Variants in PSD3 observed in about 807,000 individuals in gnomAD.
The protein encoded by PSD3 is pleckstrin and Sec7 domain containing 3.
In PSD3, 49 loss-of-function variants were observed where a neutral mutation model predicts 105.5. The ratio of observed to expected loss-of-function variants is 0.46; its 90% CI spans 0.37 to 0.59. The LOEUF (loss-of-function observed/expected upper bound fraction) is 0.59. Among genes scored for constraint, PSD3 ranks in the 20% least tolerant of loss-of-function variants. PSD3 has a pLI of 0.00. For missense variants in PSD3, 1,561 were observed against 1,263.8 expected, an observed-to-expected ratio of 1.24 and a Z score of -3.57; for synonymous variants, 557 against 457.8, an observed-to-expected ratio of 1.22 and a Z score of -2.77.
chr8:18,615,130 A>T (rs531549814), intron 11 of PSD3, among the ~76,000 whole-genome samples: 1 of 152,156 alleles, frequency 6.6e-6, no homozygotes, highest in South Asian at 2.1e-4. Flanking sequence ...ACTTCCTCGT[A>T]AAGCAACCTT....
At chr8:18,541,168 A>G (rs1275598207) in intron 15 of PSD3, among the ~76,000 whole-genome samples, 2 of 151,676 alleles carry the variant, frequency 1.3e-5, no homozygotes, top group African/African-American at 4.9e-5. Flanking sequence ...AAAAAAAAAA[A>G]AAAACCTTTT....
chr8:18,572,662 C>T lies in PSD3; in HGVS notation c.2650G>A (p.Glu884Lys). 1 of 1,613,816 alleles carries T rather than the reference C, an allele frequency of 6.2e-7. No homozygotes were observed. Among genetic ancestry groups the T allele is most frequent in the Non-Finnish European group, 8.5e-7 (1 of 1,179,806 alleles). Residue 884 changes from glutamate (E) to lysine (K), a missense_variant, in exon 14 of 16, where the codon GAA becomes AAA. Transcript: ENST00000327040. ...VLLFQTQSPE[E>K]MQGWINKINC... is the part of the protein sequence containing the mutation. The stretch of plus-strand genomic sequence containing the variant: ...ATTTTGTTTATCCACCCTTGCATTT[C>T]CTCTGGGCTCCTATGAGAAATAGAT...
chr8:18,786,048 C>A (rs967056240), intron 8 of PSD3, among the ~76,000 whole-genome samples: 7 of 152,078 alleles, frequency 4.6e-5, no homozygotes, highest in African/African-American at 1.7e-4. Context: ...ATGAGATACG[C>A]CTATACTTAA....
At chr8:19,007,608 C>T (rs2129475049) in intron 1 of PSD3, among the ~76,000 whole-genome samples, 1 of 152,088 alleles carries the variant, frequency 6.6e-6, no homozygotes, top group South Asian at 2.1e-4. Context: ...TCAGTATTTG[C>T]TGATTGTGAA....
At chr8:18,848,909 T>G (rs573759788) in intron 4 of PSD3, among the ~76,000 whole-genome samples, 34 of 152,332 alleles carry the variant, frequency 2.2e-4, no homozygotes, top group Admixed American at 2.1e-3. Context: ...TTTAAGCTTT[T>G]AAGAAATGCT....
intron 1 of PSD3, chr8:19,084,129 A>C: frequency 2.7e-6 from 1 of 376,504 alleles, no homozygotes; most frequent in South Asian, 2.0e-5. Flanking sequence ...CCAACGCCAG[A>C]AATTGGAGGC....
chr8:18,766,193 G>T (rs955422905), intron 8 of PSD3, among the ~76,000 whole-genome samples: 3 of 151,830 alleles, frequency 2.0e-5, no homozygotes, highest in African/African-American at 7.3e-5. Context: ...ATTTAGCCAG[G>T]CGTGGTGGCA....
intron 4 of PSD3, among the ~76,000 whole-genome samples, chr8:18,810,534 T>A (rs567940993): frequency 4.8e-4 from 73 of 152,342 alleles, no homozygotes; most frequent in African/African-American, 1.7e-3. Flanking sequence ...ATACTTTGAA[T>A]TTAAATTTAA....
chr8:19,053,794 T>C (rs1828611098), intron 1 of PSD3, among the ~76,000 whole-genome samples: 1 of 152,134 alleles, frequency 6.6e-6, no homozygotes, highest in Non-Finnish European at 1.5e-5. Flanking sequence ...GGGAAGGATT[T>C]TTTTCTGTTT....
intron 9 of PSD3, among the ~76,000 whole-genome samples, chr8:18,752,216 C>T (rs1188216403): frequency 1.3e-5 from 2 of 151,218 alleles, no homozygotes; most frequent in Admixed American, 6.6e-5. Flanking sequence ...CACACATTAA[C>T]AATTCTACAT....
intron 8 of PSD3, among the ~76,000 whole-genome samples, chr8:18,766,967 T>C (rs1295908810): frequency 2.0e-5 from 3 of 152,198 alleles, no homozygotes; most frequent in Non-Finnish European, 4.4e-5. Flanking sequence ...CAGGGAGATA[T>C]GCAAACCTGA....
intron 4 of PSD3, among the ~76,000 whole-genome samples, chr8:18,834,217 G>T (rs757634452): frequency 2.0e-5 from 3 of 152,068 alleles, no homozygotes; most frequent in Non-Finnish European, 2.9e-5. Context: ...CATAAAGAAG[G>T]TATTTCTAAC....
chr8:18,880,270 A>G (rs1053626774), intron 2 of PSD3, among the ~76,000 whole-genome samples: 7 of 152,228 alleles, frequency 4.6e-5, no homozygotes, highest in African/African-American at 1.7e-4. Context: ...GGCCTTAGAT[A>G]CTTCCTATTA....
chr8:18,929,695 G>GA (rs2129468379), intron 2 of PSD3, among the ~76,000 whole-genome samples: 1 of 152,112 alleles, frequency 6.6e-6, no homozygotes, highest in African/African-American at 2.4e-5. Flanking sequence ...GCATATGAAT[G>GA]AAAAAAACAA....
At chr8:18,825,985 G>C (rs1001493882) in intron 4 of PSD3, among the ~76,000 whole-genome samples, 1 of 152,214 alleles carries the variant, frequency 6.6e-6, no homozygotes, top group Non-Finnish European at 1.5e-5. Flanking sequence ...TTCTAGAAGA[G>C]ATGAGCGTTT....
At chr8:18,569,463 G>A (rs1252839801) in intron 14 of PSD3, among the ~76,000 whole-genome samples, 1 of 150,036 alleles carries the variant, frequency 6.7e-6, no homozygotes, top group African/African-American at 2.5e-5. Context: ...ACCAACAACA[G>A]ACAAACAGAG....
At chr8:19,068,332 C>T (rs1251763438) in intron 1 of PSD3, among the ~76,000 whole-genome samples, 2 of 151,612 alleles carry the variant, frequency 1.3e-5, no homozygotes, top group Admixed American at 6.6e-5. Flanking sequence ...CTCTGTTGCC[C>T]AGGCTGGAGT....
At chr8:19,020,954 GT>G (rs1827343363) in intron 1 of PSD3, among the ~76,000 whole-genome samples, 1 of 152,152 alleles carries the variant, frequency 6.6e-6, no homozygotes, top group South Asian at 2.1e-4. Context: ...CAGCAGAGGA[GT>G]GCCAGGCAAG....
chr8:18,607,182 A>G (rs192963929), intron 11 of PSD3, among the ~76,000 whole-genome samples: 64 of 152,302 alleles, frequency 4.2e-4, no homozygotes, highest in Non-Finnish European at 4.4e-5. Flanking sequence ...ACTCAACTAT[A>G]GGACCTTCAA....
Sources: gnomAD v4.1 joint callset for allele counts (sites outside exome capture counted in the v4.1 genomes callset) on GRCh38, gnomAD v4.1.1 for gene constraint, MANE v1.5 for transcripts, NCBI Gene and HGNC (gene_info 2026-07-23, HGNC 2026-07-21) for gene names.